C3orf70: variants seen among roughly 807,000 people sequenced by gnomAD.
The protein encoded by C3orf70 is UPF0524 protein C3orf70.
A neutral mutation model predicts 20.7 loss-of-function variants in C3orf70; 15 were observed. That is an observed-to-expected ratio of 0.72 (90% confidence interval 0.48 to 1.11). The LOEUF (loss-of-function observed/expected upper bound fraction) is 1.11, where lower values mean the gene tolerates loss of function less well. Ranked by LOEUF, C3orf70 falls within the 50% of genes most tolerant of loss-of-function variation. The pLI, the probability that C3orf70 is intolerant of heterozygous loss-of-function variation, is 0.00. For missense variants in C3orf70, 332 were observed against 317.6 expected (o/e 1.05, Z -0.34); for synonymous variants, 161 against 125.7 (o/e 1.28, Z -1.88).
intron 1 of C3orf70, among the ~76,000 whole-genome samples, chr3:185,098,532 CTA>C (rs1715756590): frequency 1.3e-5 from 2 of 152,156 alleles, no homozygotes; most frequent in Non-Finnish European, 2.9e-5. Flanking sequence ...CTCAGAAAAT[CTA>C]TAGTTTTCCC....
At chr3:185,089,858 A>C (rs1234419126) in intron 1 of C3orf70, among the ~76,000 whole-genome samples, 2 of 152,224 alleles carry the variant, frequency 1.3e-5, no homozygotes, top group African/African-American at 4.8e-5. Context: ...CAAACCACAA[A>C]TAAGTAACTT....
At chr3:185,101,321 T>G (rs531312607) in intron 1 of C3orf70, among the ~76,000 whole-genome samples, 18 of 152,264 alleles carry the variant, frequency 1.2e-4, no homozygotes, top group African/African-American at 4.3e-4. Flanking sequence ...GACATCAAAA[T>G]GCTTATCCAC....
Position 185,082,997 on chromosome 3 carries a change from G to C in C3orf70, c.*10C>G, listed in dbSNP as rs1356312544. ...CGTGGGTCCGAGGCTGTGGCTTCCT[G>C]TCTGGACTCTCACACAGTCGTTTCT... On this transcript the variant is annotated 3_prime_UTR_variant, in exon 2 of 2. Transcript: ENST00000335012. The C allele has an allele frequency of 4.3e-6, 7 of 1,609,670 alleles. No individual in the cohort carries two copies. The Admixed American group carries it at 6.7e-5, about 15-fold the overall frequency.
At chr3:185,113,172 T>C (rs1190646552) in intron 1 of C3orf70, among the ~76,000 whole-genome samples, 1 of 151,558 alleles carries the variant, frequency 6.6e-6, no homozygotes, top group African/African-American at 2.4e-5. Flanking sequence ...GGGCCAGGCA[T>C]GGTGGCTCAA....
chr3:185,083,150 C>T lies in C3orf70; in HGVS notation c.610G>A (p.Asp204Asn), dbSNP rs533213003. Residue 204 changes from aspartate to asparagine, a missense_variant, in exon 2 of 2, where the codon GAC becomes AAC. Transcript: ENST00000335012. Reference sequence around the variant, plus strand: ...TCTGCTCCTTCTTCTGTGTCCTCGTCACACGATTCCACATAGTGAGCCCCA... The same window carrying T: ...TCTGCTCCTTCTTCTGTGTCCTCGTTACACGATTCCACATAGTGAGCCCCA... Reference protein sequence around the residue: ...AIGAHYVESCDEDTEEGAELS... With the variant: ...AIGAHYVESCNEDTEEGAELS... The T allele has an allele frequency of 3.8e-5, 61 of 1,614,166 alleles. No individual in the cohort carries two copies. In the South Asian group the frequency reaches 6.6e-4, roughly 17 times the overall value.
intron 1 of C3orf70, among the ~76,000 whole-genome samples, chr3:185,134,116 C>CATATATATATATAT (rs1553921592): frequency 3.7e-5 from 5 of 134,664 alleles, no homozygotes; most frequent in African/African-American, 1.3e-4. Context: ...AAAAATACAT[C>CATATATATATATAT]ATATATATAT....
At chr3:185,129,116 A>G (rs928425908) in intron 1 of C3orf70, among the ~76,000 whole-genome samples, 1 of 152,176 alleles carries the variant, frequency 6.6e-6, no homozygotes, top group Non-Finnish European at 1.5e-5. Flanking sequence ...TTAAAATTAC[A>G]GTTTTTATTT....
At chr3:185,125,972 T>C (rs1056241750) in intron 1 of C3orf70, among the ~76,000 whole-genome samples, 8 of 152,032 alleles carry the variant, frequency 5.3e-5, no homozygotes, top group African/African-American at 7.3e-5. Context: ...GATGATATGA[T>C]AGTTACACAA....
At chr3:185,132,349 G>A (rs1204144618) in intron 1 of C3orf70, among the ~76,000 whole-genome samples, 1 of 151,318 alleles carries the variant, frequency 6.6e-6, no homozygotes. Context: ...GTAAAAACAA[G>A]TAACTATTAA....
At chr3:185,128,204 G>A (rs1190649697) in intron 1 of C3orf70, among the ~76,000 whole-genome samples, 1 of 152,148 alleles carries the variant, frequency 6.6e-6, no homozygotes, top group East Asian at 1.9e-4. Context: ...TTTAGTGAGT[G>A]CTTTTGTAAC....
At chr3:185,086,021 C>A (rs372007231) in intron 1 of C3orf70, among the ~76,000 whole-genome samples, 2 of 152,298 alleles carry the variant, frequency 1.3e-5, no homozygotes, top group African/African-American at 4.8e-5. Context: ...GTTCATCCTG[C>A]CCTAAGTAAC....
At chr3:185,123,578 G>A (rs1348861800) in intron 1 of C3orf70, among the ~76,000 whole-genome samples, 1 of 150,742 alleles carries the variant, frequency 6.6e-6, no homozygotes, top group Non-Finnish European at 1.5e-5. Flanking sequence ...AGGCTCAAGC[G>A]ATCCTCCCCC....
intron 1 of C3orf70, among the ~76,000 whole-genome samples, chr3:185,130,694 A>G (rs1459634838): frequency 6.6e-5 from 10 of 152,160 alleles, no homozygotes; most frequent in Non-Finnish European, 1.5e-4. Context: ...GCCATTTCAT[A>G]TAAGTGGAAT....
chr3:185,098,560 A>C (rs772733549), intron 1 of C3orf70, among the ~76,000 whole-genome samples: 4 of 152,242 alleles, frequency 2.6e-5, no homozygotes, highest in Non-Finnish European at 5.9e-5. Flanking sequence ...ATCTCAAAGG[A>C]TTACAAAATG....
chr3:185,149,562 C>T (rs909828695), intron 1 of C3orf70, among the ~76,000 whole-genome samples: 6 of 152,190 alleles, frequency 3.9e-5, no homozygotes, highest in African/African-American at 9.6e-5. Context: ...AATATATGTT[C>T]AACAGAATTA....
intron 1 of C3orf70, among the ~76,000 whole-genome samples, chr3:185,133,380 A>G (rs1038651268): frequency 6.6e-6 from 1 of 152,272 alleles, no homozygotes; most frequent in Admixed American, 6.5e-5. Context: ...TTACTCAATG[A>G]AACATTATTT....
Position 185,082,953 on chromosome 3 carries a change from CAA to C in C3orf70, c.*52_*53del. 1.3e-6 allele frequency: 2 copies of C among 1,542,540 alleles called. No individual in the cohort carries two copies. Among genetic ancestry groups the C allele is most frequent in the South Asian group, 2.5e-5 (2 of 80,654 alleles). On this transcript the variant is annotated 3_prime_UTR_variant, in exon 2 of 2. Coordinates refer to ENST00000335012, the MANE Select transcript of C3orf70 (RefSeq NM_001025266.3). ...GCATTGGAAAAAAGGATCCACCAGACAAAGGTACAAAAGCTCGGCGTGGGTCC... is the reference window on the plus strand; with the variant it reads ...GCATTGGAAAAAAGGATCCACCAGACAGGTACAAAAGCTCGGCGTGGGTCC...
Position 185,125,010 on chromosome 3 carries a change from G to A in C3orf70, c.196+27618C>T, listed in dbSNP as rs115161483. 7.2e-3 allele frequency among the ~76,000 whole-genome samples: 1,090 copies of A among 151,992 alleles called. 20 individuals are homozygous for A. The highest frequency in any genetic ancestry group is 0.025 in the African/African-American group (1,044 of 41,422). On this transcript the variant is annotated intron_variant, in intron 1 of 1. Coordinates refer to ENST00000335012, the MANE Select transcript of C3orf70 (RefSeq NM_001025266.3). ...CTTTTTTTTAAGCGCTGACATTGTCGAGTGCTGGCAAGGATGTAGAGCAAC... is the reference window on the plus strand; with the variant it reads ...CTTTTTTTTAAGCGCTGACATTGTCAAGTGCTGGCAAGGATGTAGAGCAAC...
intron 1 of C3orf70, among the ~76,000 whole-genome samples, chr3:185,094,457 G>C (rs1201022835): frequency 6.6e-6 from 1 of 151,984 alleles, no homozygotes; most frequent in African/African-American, 2.4e-5. Context: ...TTGAATCCCC[G>C]GATGCAGAGC....
Sources: allele counts gnomAD v4.1 joint callset (sites outside exome capture counted in the v4.1 genomes callset), GRCh38; gene constraint gnomAD v4.1.1; transcripts MANE v1.5; gene names NCBI Gene and HGNC (gene_info 2026-07-23, HGNC 2026-07-21).